CYP19A1: variants seen among roughly 807,000 people sequenced by gnomAD.
CYP19A1 encodes aromatase.
Under a neutral mutation model 44.4 loss-of-function variants are expected in CYP19A1, and 32 were observed. The ratio of observed to expected loss-of-function variants is 0.72; its 90% CI spans 0.54 to 0.97. CYP19A1 has a LOEUF of 0.97. Among genes scored for constraint, CYP19A1 ranks in the 50% least tolerant of loss-of-function variants. The pLI, the probability that CYP19A1 is intolerant of heterozygous loss-of-function variation, is 0.00. For synonymous variants in CYP19A1, 212 were observed against 215.6 expected (o/e 0.98, Z 0.14); for missense variants, 598 against 637.8 (o/e 0.94, Z 0.67).
At chr15:51,277,776 A>G (rs1225444564) in intron 1 of CYP19A1, among the ~76,000 whole-genome samples, 1 of 152,172 alleles carries the variant, frequency 6.6e-6, no homozygotes, top group Non-Finnish European at 1.5e-5. Context: ...TTCTCATGCC[A>G]ATGAAATATT....
chr15:51,301,646 G>A (rs1044062619), intron 1 of CYP19A1, among the ~76,000 whole-genome samples: 2 of 145,440 alleles, frequency 1.4e-5, no homozygotes, highest in African/African-American at 2.8e-5. Flanking sequence ...TCTTCTGCTC[G>A]TCATCCTTTG....
At chr15:51,215,346 CAT>C (rs1164746098) in intron 7 of CYP19A1, 114 bp from the exon 8 acceptor site, 3 of 1,485,364 alleles carry the variant, frequency 2.0e-6, no homozygotes, top group East Asian at 4.7e-5. Context: ...ATAGAAACCA[CAT>C]GTCTCTGTGA....
intron 1 of CYP19A1, among the ~76,000 whole-genome samples, chr15:51,262,872 A>T (rs796359174): frequency 6.6e-6 from 1 of 152,072 alleles, no homozygotes; most frequent in Non-Finnish European, 1.5e-5. Flanking sequence ...AGTGGTGAAT[A>T]AAAAAAAGAC....
intron 1 of CYP19A1, chr15:51,318,667 T>A (rs2036473420): frequency 6.6e-6 from 1 of 152,192 alleles, no homozygotes; most frequent in Non-Finnish European, 1.5e-5. Context: ...TTTCCCAATC[T>A]AGTTTCTAGA....
chr15:51,251,138 G>A (rs932852518), intron 1 of CYP19A1, among the ~76,000 whole-genome samples: 5 of 152,154 alleles, frequency 3.3e-5, no homozygotes, highest in African/African-American at 1.2e-4. Flanking sequence ...AGGGCGAAAG[G>A]GAAGCCTCCG....
At chr15:51,215,033 G>A (rs1224965360) in intron 8 of CYP19A1, 37 bp downstream of exon 8, 2 of 1,583,746 alleles carry the variant, frequency 1.3e-6, no homozygotes, top group Non-Finnish European at 8.6e-7. Flanking sequence ...AGAAGAAATT[G>A]TTTTTAAGAT....
intron 1 of CYP19A1, among the ~76,000 whole-genome samples, chr15:51,317,931 G>A (rs914010915): frequency 1.3e-5 from 2 of 152,184 alleles, no homozygotes; most frequent in African/African-American, 4.8e-5. Flanking sequence ...GGCAGACGGA[G>A]TATAAAGATT....
In CYP19A1 at chr15:51,210,252, T is replaced by A; in HGVS notation, c.*556A>T. The A allele has an allele frequency of 2.3e-6, 1 of 432,824 alleles. No individual in the cohort carries two copies. Among genetic ancestry groups the A allele is most frequent in the Non-Finnish European group, 4.6e-6 (1 of 216,906 alleles). 26.8% of individuals were successfully genotyped at this position (432,824 alleles called of 1,614,324 possible). A position where few individuals can be genotyped will look rare whatever the true frequency, so the allele number is the denominator to read the frequency against. ...TAGACAAACAGGAATTAATTGGGCTTAATTCACAGCAAGGGTCAAATGCTG... is the reference window on the plus strand; with the variant it reads ...TAGACAAACAGGAATTAATTGGGCTAAATTCACAGCAAGGGTCAAATGCTG... On this transcript the variant is annotated 3_prime_UTR_variant, in exon 10 of 10. Transcript: ENST00000396402.
At chr15:51,335,756 C>T (rs557379211) in intron 1 of CYP19A1, among the ~76,000 whole-genome samples, 2 of 152,314 alleles carry the variant, frequency 1.3e-5, no homozygotes, top group South Asian at 4.1e-4. Context: ...ACCGACTCCT[C>T]CCCATCCCAC....
intron 1 of CYP19A1, among the ~76,000 whole-genome samples, chr15:51,270,388 C>T (rs751645660): frequency 1.3e-5 from 2 of 152,152 alleles, no homozygotes; most frequent in Admixed American, 6.5e-5. Context: ...TGGGGGATCC[C>T]GGTGCTCTGG....
rs79542609 is a variant in CYP19A1 at position 51,329,757 on chromosome 15, A to G, written c.-39+8738T>C. Among the ~76,000 whole-genome samples, 1,420 of 152,336 alleles carry G rather than the reference A, an allele frequency of 9.3e-3. 20 individuals carry two copies. The highest frequency in any genetic ancestry group is 0.033 in the African/African-American group (1,368 of 41,564). ...CACACTTTCACTCATTCAAAAATGT[A>G]TTGAACATCTACTACATGCCAGGTA... On this transcript the variant is annotated intron_variant, in intron 1 of 9. Coordinates refer to ENST00000396402, the MANE Select transcript of CYP19A1 (RefSeq NM_000103.4).
intron 1 of CYP19A1, among the ~76,000 whole-genome samples, chr15:51,281,115 C>CT (rs2035503899): frequency 6.6e-6 from 1 of 152,218 alleles, no homozygotes; most frequent in Non-Finnish European, 1.5e-5. Context: ...AGGACTTGCT[C>CT]TTTCCCAGTG....
intron 1 of CYP19A1, among the ~76,000 whole-genome samples, chr15:51,311,427 AAGAT>A (rs569475585): frequency 6.4e-4 from 97 of 152,372 alleles, no homozygotes; most frequent in African/African-American, 2.3e-3. Context: ...TCCAATGTGA[AAGAT>A]AGAAAAGTGT....
intron 1 of CYP19A1, among the ~76,000 whole-genome samples, chr15:51,301,356 A>T (rs1421802226): frequency 6.6e-6 from 1 of 152,156 alleles, no homozygotes; most frequent in Non-Finnish European, 1.5e-5. Flanking sequence ...CTTCCTTTCC[A>T]AGTTAGATCA....
At chr15:51,301,981 G>C (rs538757948) in intron 1 of CYP19A1, among the ~76,000 whole-genome samples, 3 of 152,134 alleles carry the variant, frequency 2.0e-5, no homozygotes, top group Non-Finnish European at 4.4e-5. Flanking sequence ...TTCTAAAATA[G>C]CAACAGTGGG....
intron 1 of CYP19A1, chr15:51,321,911 C>T (rs538873227): frequency 6.6e-6 from 1 of 151,318 alleles, no homozygotes; most frequent in South Asian, 2.1e-4. Context: ...AACCCATCAA[C>T]ATCCTGTTAA....
At chr15:51,222,304 A>G (rs529130691) in intron 5 of CYP19A1, 45 bp downstream of exon 5, 2 of 1,614,030 alleles carry the variant, frequency 1.2e-6, no homozygotes, top group East Asian at 2.2e-5. Context: ...CTCCTTGTTC[A>G]GTAAAGGACA....
intron 1 of CYP19A1, among the ~76,000 whole-genome samples, chr15:51,264,071 A>T (rs961133772): frequency 2.0e-5 from 3 of 152,142 alleles, no homozygotes; most frequent in Non-Finnish European, 2.9e-5. Context: ...GAAAATGAAG[A>T]TAGGAGGAGA....
At chr15:51,319,818 C>T (rs1038220734) in intron 1 of CYP19A1, among the ~76,000 whole-genome samples, 1 of 152,308 alleles carries the variant, frequency 6.6e-6, no homozygotes, top group African/African-American at 2.4e-5. Context: ...GCTCCAGATC[C>T]AGCTCTACCT....
Sources: allele counts gnomAD v4.1 joint callset (sites outside exome capture counted in the v4.1 genomes callset), GRCh38; gene constraint gnomAD v4.1.1; transcripts MANE v1.5; gene names NCBI Gene and HGNC (gene_info 2026-07-23, HGNC 2026-07-21).